Variants in UBE3C observed in about 807,000 individuals in gnomAD.
UBE3C encodes ubiquitin protein ligase E3C.
A neutral mutation model predicts 129.4 loss-of-function variants in UBE3C; 42 were observed. The observed-to-expected ratio is 0.32, with a 90% CI of 0.25 to 0.42. UBE3C has a LOEUF of 0.42. Among genes scored for constraint, UBE3C ranks in the 10% least tolerant of loss-of-function variants. UBE3C has a pLI of 1.00. For synonymous variants in UBE3C, 510 were observed against 492.4 expected (o/e 1.04, Z -0.47); for missense variants, 1,049 against 1,319.1 (o/e 0.80, Z 3.17).
chr7:157,220,099 T>C (rs1795696826), intron 14 of UBE3C, among the ~76,000 whole-genome samples: 1 of 152,106 alleles, frequency 6.6e-6, no homozygotes, highest in Non-Finnish European at 1.5e-5. Context: ...TAGTCCCAGC[T>C]ACTCAGGAGG....
intron 13 of UBE3C, among the ~76,000 whole-genome samples, chr7:157,213,657 A>G (rs1413950497): frequency 6.6e-6 from 1 of 152,256 alleles, no homozygotes; most frequent in Non-Finnish European, 1.5e-5. Context: ...GGATCCAGTC[A>G]AATTTTCATG....
chr7:157,156,702 T>G (rs1241122424), intron 1 of UBE3C, among the ~76,000 whole-genome samples: 1 of 134,804 alleles, frequency 7.4e-6, no homozygotes, highest in African/African-American at 3.5e-5. Context: ...GTGTGTAAAT[T>G]CCCTTCTTTT....
At chr7:157,160,008 A>G (rs1808024921) in intron 1 of UBE3C, among the ~76,000 whole-genome samples, 1 of 152,190 alleles carries the variant, frequency 6.6e-6, no homozygotes, top group Admixed American at 6.5e-5. Context: ...TTGAGGAATC[A>G]AGTTTCAGAT....
chr7:157,249,848 A>G (rs936072674), intron 19 of UBE3C, among the ~76,000 whole-genome samples: 1 of 152,196 alleles, frequency 6.6e-6, no homozygotes, highest in Non-Finnish European at 1.5e-5. Context: ...ATTTGCTTCA[A>G]ATACACTCTG....
In UBE3C at chr7:157,139,295, T is replaced by A; in HGVS notation, c.23T>A (p.Phe8Tyr). ...AGGATGTTCAGCTTCGAAGGCGACT[T>A]CAAGACGCGGCCCAAGGTGTCCCTT... is the stretch of plus-strand genomic sequence containing the variant. MFSFEGD[F>Y]KTRPKVSLGG... The change falls in exon 1 of 23, where the codon TTC (phenylalanine) becomes TAC (tyrosine). Residue 8 changes from phenylalanine to tyrosine, a missense_variant. By Grantham distance (22) the Phe-to-Tyr change is conservative. Transcript: ENST00000348165. 6.3e-7 allele frequency: 1 copy of A among 1,583,050 alleles called. No homozygotes were observed. Among genetic ancestry groups the A allele is most frequent in the Non-Finnish European group, 8.5e-7 (1 of 1,171,756 alleles).
chr7:157,199,946 T>C (rs1463563461), intron 10 of UBE3C, among the ~76,000 whole-genome samples: 1 of 152,178 alleles, frequency 6.6e-6, no homozygotes, highest in East Asian at 1.9e-4. Flanking sequence ...TAAATAATAT[T>C]TGTTGGAGAC....
intron 10 of UBE3C, chr7:157,198,324 G>A (rs141133256): frequency 3.7e-5 from 30 of 808,138 alleles, no homozygotes; most frequent in African/African-American, 2.8e-4. Context: ...GAAGATTTGC[G>A]CTTCACTTCA....
chr7:157,264,314 CA>C, intron 22 of UBE3C, among the ~76,000 whole-genome samples: 2 of 134,590 alleles, frequency 1.5e-5, no homozygotes, highest in African/African-American at 2.8e-5. Flanking sequence ...CACACACACA[CA>C]CACCTGGTAT....
chr7:157,139,682 C>A (rs192628521), intron 1 of UBE3C, among the ~76,000 whole-genome samples: 2 of 152,248 alleles, frequency 1.3e-5, no homozygotes, highest in African/African-American at 2.4e-5. Context: ...CCCTTCCATG[C>A]AGGAGGCCGG....
chr7:157,230,963 T>C (rs985457405), intron 17 of UBE3C, 117 bp from the exon 18 acceptor site: 71 of 1,385,762 alleles, frequency 5.1e-5, no homozygotes, highest in Non-Finnish European at 5.5e-5. Context: ...TTGAGTCCTA[T>C]GTTAAAATGT....
At chr7:157,195,687 A>T (rs1305218371) in intron 10 of UBE3C, among the ~76,000 whole-genome samples, 5 of 152,200 alleles carry the variant, frequency 3.3e-5, no homozygotes, top group Non-Finnish European at 5.9e-5. Context: ...TCACACCCAG[A>T]TCCTCTCCCA....
At chr7:157,142,909 CA>C (rs1253321997) in intron 1 of UBE3C, among the ~76,000 whole-genome samples, 1 of 151,534 alleles carries the variant, frequency 6.6e-6, no homozygotes, top group East Asian at 1.9e-4. Flanking sequence ...CAGTGTTGCC[CA>C]GGCTGGAGTG....
intron 1 of UBE3C, among the ~76,000 whole-genome samples, chr7:157,147,393 A>G (rs1807635678): frequency 6.6e-6 from 1 of 152,220 alleles, no homozygotes; most frequent in Non-Finnish European, 1.5e-5. Flanking sequence ...AAATCTTGCT[A>G]TAATCACTTC....
intron 9 of UBE3C, among the ~76,000 whole-genome samples, chr7:157,186,340 A>T (rs1268052223): frequency 6.6e-6 from 1 of 151,420 alleles, no homozygotes; most frequent in African/African-American, 2.4e-5. Flanking sequence ...AATTGCTTGA[A>T]CCTGGGAGGC....
At chr7:157,208,150 C>T (rs1809492987) in intron 13 of UBE3C, among the ~76,000 whole-genome samples, 1 of 139,494 alleles carries the variant, frequency 7.2e-6, no homozygotes, top group Non-Finnish European at 1.5e-5. Flanking sequence ...TCATACTCCA[C>T]TGCAGCCTTG....
At chr7:157,182,018 TAGA>T in intron 7 of UBE3C, 87 bp from the exon 8 acceptor site, 9 of 1,315,902 alleles carry the variant, frequency 6.8e-6, no homozygotes, top group Non-Finnish European at 9.3e-6. Flanking sequence ...ATTATCCTTT[TAGA>T]AGGATATTTT....
Position 157,200,970 on chromosome 7 carries a change from A to G in UBE3C, c.1332-751A>G, listed in dbSNP as rs903754473. On this transcript the variant is annotated intron_variant, in intron 10 of 22. Coordinates refer to ENST00000348165, the MANE Select transcript of UBE3C (RefSeq NM_014671.3). ...TTTATTTTTGAGATGTTAACAGCAC[A>G]TTTTTTGTATTTCAAGAAAAGTGAC... 2.0e-5 allele frequency among the ~76,000 whole-genome samples: 3 copies of G among 152,276 alleles called. No individual in the cohort carries two copies. The South Asian group carries it at 6.2e-4, about 32-fold the overall frequency.
chr7:157,230,694 C>CAA (rs748639288), intron 17 of UBE3C, among the ~76,000 whole-genome samples: 16 of 38,806 alleles, frequency 4.1e-4, no homozygotes, highest in African/African-American at 8.2e-4. Flanking sequence ...GACCCCGTCT[C>CAA]AAAAAAAAAA....
intron 18 of UBE3C, among the ~76,000 whole-genome samples, chr7:157,233,102 A>T (rs2116642182): frequency 6.7e-6 from 1 of 148,366 alleles, no homozygotes; most frequent in African/African-American, 2.5e-5. Flanking sequence ...GTCTGTATGG[A>T]TTTTTTTTTT....
Sources: allele counts gnomAD v4.1 joint callset (sites outside exome capture counted in the v4.1 genomes callset), GRCh38; gene constraint gnomAD v4.1.1; transcripts MANE v1.5; gene names NCBI Gene and HGNC (gene_info 2026-07-23, HGNC 2026-07-21).